DYNC2H1: variants seen among roughly 807,000 people sequenced by gnomAD.
DYNC2H1 encodes cytoplasmic dynein 2 heavy chain 1.
Under a neutral mutation model 570.0 loss-of-function variants are expected in DYNC2H1, and 410 were observed. The observed-to-expected ratio is 0.72, with a 90% confidence interval of 0.66 to 0.78. The LOEUF (loss-of-function observed/expected upper bound fraction) is 0.78, where lower values mean the gene tolerates loss of function less well. DYNC2H1 is among the 30% of genes least tolerant of loss of function. DYNC2H1 has a pLI of 0.00. For synonymous variants in DYNC2H1, 1,688 were observed against 1,677.6 expected (o/e 1.01, Z -0.15); for missense variants, 4,865 against 5,046.4 (o/e 0.96, Z 1.09).
intron 85 of DYNC2H1, among the ~76,000 whole-genome samples, chr11:103,447,131 T>G (rs1454147490): frequency 6.6e-6 from 1 of 152,066 alleles, no homozygotes; most frequent in African/African-American, 2.4e-5. Flanking sequence ...CTCCACAAGG[T>G]GATAAAAATA....
chr11:103,253,802 G>A (rs1864934197), intron 66 of DYNC2H1, among the ~76,000 whole-genome samples: 1 of 152,070 alleles, frequency 6.6e-6, no homozygotes, highest in Non-Finnish European at 1.5e-5. Flanking sequence ...GTAGCTAATT[G>A]ACTTGTTCAG....
At chr11:103,132,407 G>A (rs1859326682) in intron 13 of DYNC2H1, among the ~76,000 whole-genome samples, 1 of 151,746 alleles carries the variant, frequency 6.6e-6, no homozygotes, top group Admixed American at 6.6e-5. Flanking sequence ...ATTTGTAACT[G>A]CCTGTTGAAG....
chr11:103,306,204 C>T (rs1232249060), intron 77 of DYNC2H1, among the ~76,000 whole-genome samples: 5 of 152,154 alleles, frequency 3.3e-5, no homozygotes, highest in Admixed American at 6.6e-5. Context: ...TGAGCCATCG[C>T]GCCTAGCCTG....
chr11:103,234,181 A>G (rs755645384), intron 61 of DYNC2H1, 21 bp downstream of exon 61: 6 of 1,574,722 alleles, frequency 3.8e-6, no homozygotes, highest in African/African-American at 1.3e-5. Flanking sequence ...GAGAGGGGCC[A>G]TGAGGAGTCT....
At chr11:103,114,888 G>A (rs79690268) in intron 3 of DYNC2H1, among the ~76,000 whole-genome samples, 1 of 151,944 alleles carries the variant, frequency 6.6e-6, no homozygotes, top group Non-Finnish European at 1.5e-5. Context: ...CAACCTTCTT[G>A]TGCTTTGGAA....
rs200930710 is a variant in DYNC2H1, at chr11:103,259,980, A to T, written c.10695+3A>T. On this transcript the variant is annotated splice_donor_region_variant and intron_variant, in intron 70 of 88. Transcript: ENST00000375735. Reference sequence around the variant, plus strand: ...ATATATGTCGTTGTCTATTTAAGGTAAGAAGCATCATATTTTTCAAATATA... The same window carrying T: ...ATATATGTCGTTGTCTATTTAAGGTTAGAAGCATCATATTTTTCAAATATA... 7.0e-7 allele frequency: 1 copy of T among 1,436,464 alleles called. No homozygotes were observed. Among genetic ancestry groups the T allele is most frequent in the East Asian group, 2.8e-5 (1 of 35,606 alleles). 89.0% of individuals were successfully genotyped at this position (1,436,464 alleles called of 1,614,324 possible).
At position 103,153,387 on chromosome 11, in the gene DYNC2H1, C is replaced by T; in HGVS notation, c.3181C>T (p.Leu1061=). The part of the protein sequence containing the change: ...LEKFKARWDQ[L]KPGDDVIETG... The stretch of plus-strand genomic sequence containing the variant: ...AAAATTTAAAGCTCGTTGGGACCAA[C>T]TAAAGCCTGGTGATGATGTTATTGA... Residue 1061 remains leucine, a synonymous_variant, in exon 22 of 89, where the codon CTA becomes TTA. Coordinates refer to ENST00000375735, the MANE Select transcript of DYNC2H1 (RefSeq NM_001377.3). 6.4e-7 allele frequency: 1 copy of T among 1,553,690 alleles called. No homozygotes were observed. Among genetic ancestry groups the T allele is most frequent in the Non-Finnish European group, 8.7e-7 (1 of 1,148,290 alleles).
chr11:103,136,106 T>A, intron 17 of DYNC2H1, among the ~76,000 whole-genome samples, 158 bp downstream of exon 17: 1 of 152,110 alleles, frequency 6.6e-6, no homozygotes, highest in Non-Finnish European at 1.5e-5. Flanking sequence ...ACAACCTAGA[T>A]TTATACTTCA....
At chr11:103,255,303 A>G (rs1175394604) in intron 66 of DYNC2H1, 112 bp from the exon 67 acceptor site, 45 of 1,170,808 alleles carry the variant, frequency 3.8e-5, no homozygotes, top group Non-Finnish European at 4.8e-5. Context: ...AAATGAGATA[A>G]CATAGTATCA....
intron 83 of DYNC2H1, among the ~76,000 whole-genome samples, chr11:103,373,285 T>G (rs983546766): frequency 6.6e-6 from 1 of 152,126 alleles, no homozygotes; most frequent in African/African-American, 2.4e-5. Context: ...GTCTAGGAAT[T>G]TATCCACTTT....
chr11:103,478,777 T>C (rs1302385615), intron 88 of DYNC2H1, among the ~76,000 whole-genome samples: 1 of 152,128 alleles, frequency 6.6e-6, no homozygotes, highest in Non-Finnish European at 1.5e-5. Flanking sequence ...ATTAAGGAAT[T>C]ATTGGTAGTT....
chr11:103,178,906 T>G, intron 38 of DYNC2H1, 120 bp from the exon 39 acceptor site: 1 of 984,604 alleles, frequency 1.0e-6, no homozygotes, highest in Non-Finnish European at 1.5e-6. Flanking sequence ...GCGCATGGGT[T>G]CTTCAGCATA....
At chr11:103,194,483 G>C (rs1041557330) in intron 47 of DYNC2H1, among the ~76,000 whole-genome samples, 3 of 152,074 alleles carry the variant, frequency 2.0e-5, no homozygotes, top group African/African-American at 7.2e-5. Flanking sequence ...ACTTTTTTAA[G>C]CAACTAACAG....
At chr11:103,121,990 T>C (rs910890772) in intron 10 of DYNC2H1, among the ~76,000 whole-genome samples, 18 of 152,118 alleles carry the variant, frequency 1.2e-4, no homozygotes, top group African/African-American at 3.6e-4. Context: ...TTGCAAAGTC[T>C]TACCTGCAAG....
intron 28 of DYNC2H1, among the ~76,000 whole-genome samples, chr11:103,159,421 A>T (rs1860985231): frequency 1.3e-5 from 2 of 152,118 alleles, no homozygotes. Context: ...TCTTCCTTAT[A>T]GAGTTTAAGG....
Position 103,191,633 on chromosome 11 carries a change from G to A in DYNC2H1, c.7540+14G>A, listed in dbSNP as rs115273161. The A allele has an allele frequency of 2.2e-3, 3,396 of 1,548,622 alleles. 61 individuals carry two copies. The African/African-American group carries it at 0.041, about 19-fold the overall frequency. On this transcript the variant is annotated intron_variant, in intron 46 of 88. Transcript: ENST00000375735. The stretch of plus-strand genomic sequence containing the variant: ...ATTTAGAAGGAGGTGAGTTTTGCTA[G>A]TGTGTATCTTGTGTGTGTGTGTGTG...
rs1937841826 is a variant in DYNC2H1 at position 103,316,368 on chromosome 11, A to T, written c.11650-177A>T. ...AGTACTTTTCATGCTATGGCCAGTT[A>T]ATTTTTTTTAAGTTTACTGTTACTT... On this transcript the variant is annotated intron_variant, in intron 79 of 88. Transcript: ENST00000375735. Among the ~76,000 whole-genome samples the T allele has an allele frequency of 6.6e-6, 1 of 151,926 alleles. No homozygotes were observed. The highest frequency in any genetic ancestry group is 1.5e-5 in the Non-Finnish European group (1 of 67,878).
At chr11:103,127,648 A>T (rs924382921) in intron 12 of DYNC2H1, among the ~76,000 whole-genome samples, 3 of 152,182 alleles carry the variant, frequency 2.0e-5, no homozygotes, top group African/African-American at 7.2e-5. Context: ...AATGCCTTAG[A>T]CTCAGCCCAG....
At chr11:103,136,042 G>A in intron 17 of DYNC2H1, 94 bp downstream of exon 17, 2 of 1,048,966 alleles carry the variant, frequency 1.9e-6, no homozygotes, top group South Asian at 3.0e-5. Flanking sequence ...TTTACCTTGT[G>A]TGGCATAACA....
Sources: allele counts gnomAD v4.1 joint callset (sites outside exome capture counted in the v4.1 genomes callset), GRCh38; gene constraint gnomAD v4.1.1; transcripts MANE v1.5; gene names NCBI Gene and HGNC (gene_info 2026-07-23, HGNC 2026-07-21).